Variants in TEK observed in about 807,000 individuals in gnomAD.
TEK encodes the protein angiopoietin-1 receptor.
TEK carries 43 observed loss-of-function variants against 131.8 expected under a neutral mutation model. The ratio of observed to expected loss-of-function variants is 0.33; its 90% CI spans 0.26 to 0.42. The LOEUF is 0.42. TEK is among the 10% of genes least tolerant of loss of function. The pLI is 1.00. For missense variants in TEK, 1,162 were observed against 1,384.4 expected (o/e 0.84, Z 2.55); for synonymous variants, 580 against 491.6 (o/e 1.18, Z -2.38).
intron 2 of TEK, among the ~76,000 whole-genome samples, chr9:27,164,975 T>C (rs1357651862): frequency 6.6e-6 from 1 of 152,226 alleles, no homozygotes; most frequent in East Asian, 1.9e-4. Flanking sequence ...CAGGCTCCTG[T>C]GTCATCAGAA....
intron 1 of TEK, among the ~76,000 whole-genome samples, chr9:27,132,337 C>T (rs533393930): frequency 5.4e-4 from 82 of 152,126 alleles, no homozygotes; most frequent in Middle Eastern, 3.4e-3. Flanking sequence ...TTGCCTGCCT[C>T]GGCCTCCGAA....
In TEK at chr9:27,218,770, C is replaced by G. The variant is rs746008187; in HGVS notation, c.3063-7C>G. ...GATTGTTGGTTTCACACTTGTCCCT[C>G]CTGCAGATGGTCCTATGGTGTGTTA... On this transcript the variant is annotated splice_region_variant and splice_polypyrimidine_tract_variant and intron_variant, in intron 19 of 22. Transcript: ENST00000380036. 6.2e-6 allele frequency: 10 copies of G among 1,614,012 alleles called. No individual in the cohort carries two copies. The highest frequency in any genetic ancestry group is 8.5e-6 in the Non-Finnish European group (10 of 1,179,956).
At chr9:27,139,806 G>T (rs1157107776) in intron 1 of TEK, among the ~76,000 whole-genome samples, 1 of 152,092 alleles carries the variant, frequency 6.6e-6, no homozygotes. Flanking sequence ...GTGTGTGTAT[G>T]TATAGTACAG....
intron 1 of TEK, among the ~76,000 whole-genome samples, chr9:27,125,761 T>G (rs910241395): frequency 6.6e-6 from 1 of 152,234 alleles, no homozygotes; most frequent in Non-Finnish European, 1.5e-5. Context: ...CTATCATTAT[T>G]TTTTTGTATC....
intron 16 of TEK, 34 bp downstream of exon 16, chr9:27,209,265 G>T (rs2131219634): frequency 6.8e-7 from 1 of 1,467,068 alleles, no homozygotes; most frequent in East Asian, 2.3e-5. Context: ...TCCTGCCAGA[G>T]TTTTTATAAA....
At chr9:27,134,561 T>C (rs1230071441) in intron 1 of TEK, among the ~76,000 whole-genome samples, 1 of 152,214 alleles carries the variant, frequency 6.6e-6, no homozygotes, top group Non-Finnish European at 1.5e-5. Context: ...ATCAAAAATA[T>C]GATTTGAAGC....
chr9:27,151,380 T>C (rs1823121112), intron 1 of TEK, among the ~76,000 whole-genome samples: 1 of 152,128 alleles, frequency 6.6e-6, no homozygotes, highest in Non-Finnish European at 1.5e-5. Flanking sequence ...AAGAAATTAA[T>C]AGCAACTTTA....
chr9:27,126,209 G>C (rs1821983085), intron 1 of TEK, among the ~76,000 whole-genome samples: 1 of 152,162 alleles, frequency 6.6e-6, no homozygotes, highest in Non-Finnish European at 1.5e-5. Flanking sequence ...CTCATAGCCA[G>C]AGGCACTCCT....
chr9:27,213,028 C>G lies in TEK; in HGVS notation c.2877+131C>G. 3 of 959,908 alleles carry G rather than the reference C, an allele frequency of 3.1e-6. No individual in the cohort carries two copies. In the South Asian group the frequency reaches 4.5e-5, roughly 14 times the overall value. The allele number at this position is 959,908 out of a possible 1,614,324, so 59.5% of individuals were successfully genotyped here. On this transcript the variant is annotated intron_variant, in intron 17 of 22. Coordinates refer to ENST00000380036, the MANE Select transcript of TEK (RefSeq NM_000459.5). ...CTTAAAATCTCCCTCATTTTAATCT[C>G]TCTGTGAATAGTCCATCTATTTAAA... is the stretch of plus-strand genomic sequence containing the variant.
chr9:27,226,624 G>T (rs1197101872), intron 21 of TEK, among the ~76,000 whole-genome samples: 3 of 152,128 alleles, frequency 2.0e-5, no homozygotes, highest in Admixed American at 6.5e-5. Flanking sequence ...ACCTAATGTA[G>T]ATGACAGGTT....
At position 27,157,987 on chromosome 9, in the gene TEK, A is replaced by G. The variant is rs749635911; in HGVS notation, c.209A>G (p.Asp70Gly). The G allele has an allele frequency of 1.6e-5, 26 of 1,614,074 alleles. No homozygotes were observed. The highest frequency in any genetic ancestry group is 2.2e-5 in the Non-Finnish European group (26 of 1,180,004). ...DFEALMNQHQDPLEVTQDVTR... is the reference protein window; with the variant it reads ...DFEALMNQHQGPLEVTQDVTR... ...GAAGCCTTAATGAACCAGCACCAGG[A>G]TCCGCTGGAAGTTACTCAAGATGTG... is the stretch of plus-strand genomic sequence containing the variant. Residue 70 changes from aspartate to glycine, a missense_variant, in exon 2 of 23, where the codon GAT becomes GGT. Coordinates refer to ENST00000380036, the MANE Select transcript of TEK (RefSeq NM_000459.5).
intron 11 of TEK, among the ~76,000 whole-genome samples, chr9:27,194,055 C>A (rs537983620): frequency 6.6e-6 from 1 of 152,144 alleles, no homozygotes; most frequent in Non-Finnish European, 1.5e-5. Flanking sequence ...AGTCCCCCAG[C>A]CTTGGCCTCT....
intron 1 of TEK, among the ~76,000 whole-genome samples, chr9:27,152,412 GAA>G (rs10554773): frequency 0.32 from 46,247 of 142,870 alleles, 7,198 homozygotes; most frequent in Admixed American, 0.38. Context: ...CTGGAATGTG[GAA>G]AAAAAAAAAA....
chr9:27,152,432 T>C (rs1020829809), intron 1 of TEK, among the ~76,000 whole-genome samples: 3 of 151,598 alleles, frequency 2.0e-5, no homozygotes, highest in African/African-American at 7.3e-5. Flanking sequence ...AAAAAGCTAA[T>C]TGGAGCAAGC....
At chr9:27,188,228 G>A (rs10967763) in intron 9 of TEK, among the ~76,000 whole-genome samples, 2,543 of 152,206 alleles carry the variant, frequency 0.017, 67 homozygotes, top group African/African-American at 0.058. Flanking sequence ...GGGCACACAG[G>A]TGCCTTCTGG....
intron 2 of TEK, among the ~76,000 whole-genome samples, chr9:27,164,342 T>C (rs540621063): frequency 6.1e-5 from 9 of 146,842 alleles, no homozygotes; most frequent in African/African-American, 7.6e-5. Context: ...TTTTTTGAGA[T>C]GGAGTCTCAC....
intron 1 of TEK, among the ~76,000 whole-genome samples, chr9:27,121,279 T>A (rs1223263307): frequency 6.6e-6 from 1 of 152,216 alleles, no homozygotes; most frequent in Non-Finnish European, 1.5e-5. Flanking sequence ...TGAGCTGAGA[T>A]CGTGCCATTG....
chr9:27,189,510 G>A (rs574392485), intron 9 of TEK, among the ~76,000 whole-genome samples: 1 of 152,290 alleles, frequency 6.6e-6, no homozygotes, highest in Admixed American at 6.5e-5. Context: ...TTGAGAAGAT[G>A]TGGTCTTTGA....
At chr9:27,219,501 AG>A (rs1216892071) in intron 20 of TEK, among the ~76,000 whole-genome samples, 1 of 152,172 alleles carries the variant, frequency 6.6e-6, no homozygotes, top group Non-Finnish European at 1.5e-5. Context: ...GTAGGGAACA[AG>A]GGGAGGGAGA....
Sources: allele counts gnomAD v4.1 joint callset (sites outside exome capture counted in the v4.1 genomes callset), GRCh38; gene constraint gnomAD v4.1.1; transcripts MANE v1.5; gene names NCBI Gene and HGNC (gene_info 2026-07-23, HGNC 2026-07-21).